The following PLA2G6 variants were observed in gnomAD, a reference collection of about 807,000 sequenced individuals.
PLA2G6 encodes phospholipase A2 group VI, also known as 85/88 kDa calcium-independent phospholipase A2.
PLA2G6 carries 62 observed loss-of-function variants against 83.8 expected under a neutral mutation model. The observed-to-expected ratio is 0.74, with a 90% CI of 0.60 to 0.91. PLA2G6 has a LOEUF of 0.91. Among genes scored for constraint, PLA2G6 ranks in the 40% least tolerant of loss-of-function variants. The pLI is 0.00. For missense variants in PLA2G6, 944 were observed against 1,102.0 expected (o/e 0.86, Z 2.03); for synonymous variants, 417 against 449.8 (o/e 0.93, Z 0.92).
At chr22:38,170,407 T>G (rs1431823315) in intron 1 of PLA2G6, among the ~76,000 whole-genome samples, 1 of 151,806 alleles carries the variant, frequency 6.6e-6, no homozygotes, top group African/African-American at 2.4e-5. Context: ...GCAAGCTCCT[T>G]GGAAATGAAC....
At chr22:38,156,700 GC>G (rs2089795373) in intron 2 of PLA2G6, among the ~76,000 whole-genome samples, 1 of 152,096 alleles carries the variant, frequency 6.6e-6, no homozygotes, top group Non-Finnish European at 1.5e-5. Flanking sequence ...TGATCTGCCT[GC>G]CTCGGCCTCC....
At chr22:38,114,660 G>C (rs1425082276) in intron 14 of PLA2G6, among the ~76,000 whole-genome samples, 1 of 152,166 alleles carries the variant, frequency 6.6e-6, no homozygotes, top group African/African-American at 2.4e-5. Context: ...CGCCCTGCCC[G>C]ATCTGGCCCC....
chr22:38,119,962 A>T (rs2087429244), intron 12 of PLA2G6, among the ~76,000 whole-genome samples: 1 of 144,742 alleles, frequency 6.9e-6, no homozygotes, highest in Admixed American at 7.1e-5. Context: ...CACAGAGCAG[A>T]AAGACAAGCC....
rs2090860984 is a variant in PLA2G6 at position 38,181,772 on chromosome 22, G to A, written c.-154C>T. ...GGACCCCCAGGCCCCGCCCACCCGC[G>A]AGGTCACTCACCTCGGCTTACTCAG... On this transcript the variant is annotated 5_prime_UTR_variant, in exon 1 of 17. Transcript: ENST00000332509. The A allele has an allele frequency of 6.6e-6, 1 of 152,200 alleles. No individual in the cohort carries two copies. Among genetic ancestry groups the A allele is most frequent in the Non-Finnish European group, 1.5e-5 (1 of 68,054 alleles). 9.4% of individuals were successfully genotyped at this position (152,200 alleles called of 1,614,324 possible).
At chr22:38,159,555 C>G (rs918866545) in intron 2 of PLA2G6, among the ~76,000 whole-genome samples, 3 of 151,972 alleles carry the variant, frequency 2.0e-5, no homozygotes, top group Admixed American at 6.6e-5. Flanking sequence ...TTGATGAGAC[C>G]GTGTCTCTAC....
chr22:38,128,330 C>G lies in PLA2G6; in HGVS notation c.1287G>C (p.Ala429=), dbSNP rs183891529. ...TTTCCAGGGAGAAGGGATGATGTGG[C>G]GCTGCAGAGCCCTGCTCCGCGGGGA... ...HGVPAEQGSA[A]PHHPFSLERA... Residue 429 remains alanine, a synonymous_variant, in exon 9 of 17, where the codon GCG becomes GCC. Transcript: ENST00000332509. The surrounding 1 kb of genome is among the most constrained non-coding windows in gnomAD (Gnocchi z 4.4). 6.2e-7 allele frequency: 1 copy of G among 1,613,262 alleles called. No homozygotes were observed.
chr22:38,141,191 C>A (rs2088882051), intron 4 of PLA2G6: 2 of 148,838 alleles, frequency 1.3e-5, no homozygotes, highest in Admixed American at 6.7e-5. Context: ...AAGACTCCGT[C>A]TCAAAAAAAA....
intron 2 of PLA2G6, among the ~76,000 whole-genome samples, chr22:38,165,401 C>T (rs184568787): frequency 2.0e-5 from 3 of 152,174 alleles, no homozygotes; most frequent in Admixed American, 2.0e-4. Context: ...CCTAATCCAG[C>T]CTGCAGGTCA....
intron 12 of PLA2G6, 72 bp downstream of exon 12, chr22:38,120,687 G>A (rs1371059345): frequency 3.2e-6 from 5 of 1,564,086 alleles, no homozygotes; most frequent in African/African-American, 1.3e-5. Flanking sequence ...GCAGGACAGG[G>A]AGCCCTCTGT....
At position 38,133,016 on chromosome 22, in the gene PLA2G6, G is replaced by A; in HGVS notation, c.895-3C>T. Reference sequence around the variant, plus strand: ...CGTTTCAGCAGCATGCGGGCCATCTGCGGGAGACGGTCAGGCTGAGTTAGC... The same window carrying A: ...CGTTTCAGCAGCATGCGGGCCATCTACGGGAGACGGTCAGGCTGAGTTAGC... On this transcript the variant is annotated splice_polypyrimidine_tract_variant and splice_region_variant and intron_variant, in intron 6 of 16. Coordinates refer to ENST00000332509, the MANE Select transcript of PLA2G6 (RefSeq NM_003560.4). 1 of 1,559,288 alleles carries A rather than the reference G, an allele frequency of 6.4e-7. No homozygotes were observed. The highest frequency in any genetic ancestry group is 8.7e-7 in the Non-Finnish European group (1 of 1,153,570).
At chr22:38,142,278 CATG>C (rs936843642) in intron 4 of PLA2G6, 6 of 145,996 alleles carry the variant, frequency 4.1e-5, no homozygotes, top group African/African-American at 1.5e-4. Context: ...GCAGAGAGAA[CATG>C]ATCTTTAGAA....
intron 2 of PLA2G6, among the ~76,000 whole-genome samples, chr22:38,151,414 T>C (rs2089554390): frequency 6.6e-6 from 1 of 152,102 alleles, no homozygotes; most frequent in African/African-American, 2.4e-5. Flanking sequence ...TAATTTTTTG[T>C]ATTTTCAGTA....
chr22:38,112,739 T>G, intron 15 of PLA2G6, 162 bp from the exon 16 acceptor site: 1 of 677,306 alleles, frequency 1.5e-6, no homozygotes, highest in Non-Finnish European at 2.7e-6. Context: ...CAAAACCCCT[T>G]CCTGGGACTG....
At chr22:38,142,082 C>G (rs976533699) in intron 4 of PLA2G6, 1 of 150,574 alleles carries the variant, frequency 6.6e-6, no homozygotes, top group Non-Finnish European at 1.5e-5. Flanking sequence ...GTAATCCCAG[C>G]TACTCAGGAA....
At chr22:38,168,282 G>A (rs756674949) in intron 2 of PLA2G6, among the ~76,000 whole-genome samples, 14 of 152,248 alleles carry the variant, frequency 9.2e-5, no homozygotes, top group Non-Finnish European at 1.8e-4. Flanking sequence ...AGGACAGCCA[G>A]ATGGATAGGT....
chr22:38,169,561 T>C, intron 1 of PLA2G6, 90 bp from the exon 2 acceptor site: 1 of 740,918 alleles, frequency 1.3e-6, no homozygotes, highest in Non-Finnish European at 2.4e-6. Context: ...GACACCCAGA[T>C]CACTCCCCAC....
rs1203731436 is a variant in PLA2G6 at position 38,139,963 on chromosome 22, G to A, written c.797+19C>T. The A allele has an allele frequency of 5.1e-6, 8 of 1,560,502 alleles. No individual in the cohort carries two copies. The highest frequency in any genetic ancestry group is 6.1e-6 in the Non-Finnish European group (7 of 1,148,412). ...TGGAGCCCAGCAGGCCAGCAGATGGGGAGGGGAGGAGGTCTTACCCCTTCT... is the reference window on the plus strand; with the variant it reads ...TGGAGCCCAGCAGGCCAGCAGATGGAGAGGGGAGGAGGTCTTACCCCTTCT... On this transcript the variant is annotated intron_variant, in intron 5 of 16. Coordinates refer to ENST00000332509, the MANE Select transcript of PLA2G6 (RefSeq NM_003560.4).
intron 2 of PLA2G6, chr22:38,146,331 G>A: frequency 6.6e-6 from 1 of 150,836 alleles, no homozygotes; most frequent in Non-Finnish European, 1.5e-5. Flanking sequence ...GCCACCGTGA[G>A]CCACTGTGCC....
intron 1 of PLA2G6, 56 bp from the exon 2 acceptor site, chr22:38,169,527 C>T: frequency 1.0e-6 from 1 of 980,978 alleles, no homozygotes. Context: ...GCCCATCTCA[C>T]CCAGTGCAGC....
Sources: allele counts gnomAD v4.1 joint callset (sites outside exome capture counted in the v4.1 genomes callset), GRCh38; gene constraint gnomAD v4.1.1; non-coding constraint Gnocchi (gnomAD v3.1); transcripts MANE v1.5; gene names NCBI Gene and HGNC (gene_info 2026-07-23, HGNC 2026-07-21).